FYB2: variants seen among roughly 807,000 people sequenced by gnomAD.
FYB2 encodes FYN-binding protein 2.
In FYB2, 103 loss-of-function variants were observed where a neutral mutation model predicts 94.1. The ratio of observed to expected loss-of-function variants is 1.09; its 90% confidence interval spans 0.93 to 1.29. The LOEUF is 1.29. Ranked by LOEUF, FYB2 falls within the 50% of genes most tolerant of loss-of-function variation. The pLI is 0.00. For synonymous variants in FYB2, 293 were observed against 287.9 expected, an observed-to-expected ratio of 1.02 and a Z score of -0.18; for missense variants, 896 against 841.5, an observed-to-expected ratio of 1.06 and a Z score of -0.80.
At chr1:56,819,614 T>C (rs368809941), upstream of FYB2, 456 of 504,722 alleles carry the variant, frequency 9.0e-4, 5 homozygotes, top group African/African-American at 7.9e-3. Context: ...CCGGCTGGTC[T>C]GACAGTCACT....
chr1:56,722,474 GTAAT>G (rs935869236), intron 17 of FYB2, among the ~76,000 whole-genome samples: 3 of 152,074 alleles, frequency 2.0e-5, no homozygotes, highest in Non-Finnish European at 2.9e-5. Flanking sequence ...CAGAAGAAGA[GTAAT>G]TTATTTAATT....
At chr1:56,819,751 C>T (rs750144033), upstream of FYB2, 30 of 182,974 alleles carry the variant, frequency 1.6e-4, no homozygotes, top group East Asian at 2.4e-3. Context: ...CTGCCAGCTC[C>T]GCCCCTGCAG....
intron 9 of FYB2, among the ~76,000 whole-genome samples, chr1:56,749,411 T>C (rs1197825841): frequency 6.6e-6 from 1 of 152,024 alleles, no homozygotes; most frequent in East Asian, 1.9e-4. Flanking sequence ...CCCTATAGAA[T>C]GAATTTTGGA....
chr1:56,766,014 A>T (rs1645613979), intron 5 of FYB2, among the ~76,000 whole-genome samples: 1 of 152,186 alleles, frequency 6.6e-6, no homozygotes, highest in South Asian at 2.1e-4. Context: ...TGATTGGAGC[A>T]TCCATTTGGC....
Position 56,767,872 on chromosome 1 carries a change from A to G in FYB2, c.1020T>C (p.Ser340=), listed in dbSNP as rs1645662069. The part of the protein sequence containing the change: ...YEATISYLRH[S]GNSINLCTAK... ...CAGTGCACAGGTTAATGGAGTTGCC[A>G]GAGTGTCTCAGATATGAAATTGTTG... The change falls in exon 5 of 20, where the codon TCT becomes TCC. Residue 340 remains serine, a synonymous_variant. Transcript: ENST00000343433. 2 of 1,612,444 alleles carry G rather than the reference A, an allele frequency of 1.2e-6. No individual in the cohort carries two copies. Among genetic ancestry groups the G allele is most frequent in the African/African-American group, 1.3e-5 (1 of 74,852 alleles).
chr1:56,763,826 G>T, intron 5 of FYB2, among the ~76,000 whole-genome samples: 1 of 149,886 alleles, frequency 6.7e-6, no homozygotes, highest in Non-Finnish European at 1.5e-5. Context: ...TATCCTTATT[G>T]TTTCCTTCCT....
intron 1 of FYB2, among the ~76,000 whole-genome samples, chr1:56,796,302 T>C (rs963937331): frequency 6.6e-6 from 1 of 152,182 alleles, no homozygotes; most frequent in South Asian, 2.1e-4. Flanking sequence ...TTTGAGGACA[T>C]GAGGAAAACT....
chr1:56,741,318 A>C (rs1453399224), intron 12 of FYB2, among the ~76,000 whole-genome samples: 1 of 152,128 alleles, frequency 6.6e-6, no homozygotes, highest in Non-Finnish European at 1.5e-5. Flanking sequence ...GATTTTATGA[A>C]GCAGTCTTCC....
chr1:56,801,700 G>A (rs1188769798), intron 1 of FYB2, among the ~76,000 whole-genome samples: 1 of 152,082 alleles, frequency 6.6e-6, no homozygotes, highest in African/African-American at 2.4e-5. Context: ...CAATGCATTA[G>A]CCTCATGGGC....
At chr1:56,754,419 C>T (rs1645277398) in intron 7 of FYB2, among the ~76,000 whole-genome samples, 1 of 152,040 alleles carries the variant, frequency 6.6e-6, no homozygotes, top group African/African-American at 2.4e-5. Context: ...TCTGAGAATG[C>T]TTCCCTGATT....
At chr1:56,765,504 C>T (rs1307372424) in intron 5 of FYB2, among the ~76,000 whole-genome samples, 2 of 152,154 alleles carry the variant, frequency 1.3e-5, no homozygotes, top group African/African-American at 4.8e-5. Flanking sequence ...GTCCAAGCTC[C>T]CCATTCAGCA....
chr1:56,808,529 A>C (rs552678122), intron 1 of FYB2, among the ~76,000 whole-genome samples: 3 of 152,312 alleles, frequency 2.0e-5, no homozygotes, highest in African/African-American at 7.2e-5. Context: ...TTACAGCAGC[A>C]ATTAGTTACA....
intron 1 of FYB2, among the ~76,000 whole-genome samples, chr1:56,811,469 C>T (rs916429808): frequency 1.3e-5 from 2 of 152,162 alleles, no homozygotes; most frequent in African/African-American, 2.4e-5. Context: ...CATGGCGACC[C>T]AGCTGTGAAA....
Position 56,742,239 on chromosome 1 carries a change from C to A in FYB2, c.1544-18G>T, listed in dbSNP as rs1160062097. 1 of 1,543,500 alleles carries A rather than the reference C, an allele frequency of 6.5e-7. No homozygotes were observed. The highest frequency in any genetic ancestry group is 8.9e-7 in the Non-Finnish European group (1 of 1,120,854). On this transcript the variant is annotated intron_variant, in intron 11 of 19. Transcript: ENST00000343433. ...ATTTTCTTCTGAAATTAGAAGAAAA[C>A]CCTACTTATATTCATTATAATAGCA... is the stretch of plus-strand genomic sequence containing the variant.
chr1:56,731,193 G>A (rs868026826), intron 15 of FYB2, among the ~76,000 whole-genome samples: 81 of 152,104 alleles, frequency 5.3e-4, no homozygotes, highest in African/African-American at 1.9e-3. Context: ...CTCACTTGGT[G>A]AGCACATCCC....
chr1:56,799,116 C>A (rs769619780), intron 1 of FYB2, among the ~76,000 whole-genome samples: 3 of 152,070 alleles, frequency 2.0e-5, no homozygotes, highest in Non-Finnish European at 4.4e-5. Context: ...ATAACCCCAC[C>A]AATTAGGCGA....
intron 15 of FYB2, among the ~76,000 whole-genome samples, chr1:56,735,416 T>C (rs1013460031): frequency 3.3e-5 from 5 of 152,078 alleles, no homozygotes; most frequent in African/African-American, 1.2e-4. Flanking sequence ...AAGGTTGCTG[T>C]CATAGAAATA....
intron 16 of FYB2, among the ~76,000 whole-genome samples, chr1:56,724,558 C>CA (rs535424184): frequency 1.8e-4 from 28 of 152,186 alleles, no homozygotes; most frequent in Non-Finnish European, 4.0e-4. Flanking sequence ...TCACCTTCCT[C>CA]AAATTCATTG....
chr1:56,803,161 T>C (rs1351474285), intron 1 of FYB2, among the ~76,000 whole-genome samples: 1 of 152,218 alleles, frequency 6.6e-6, no homozygotes, highest in Non-Finnish European at 1.5e-5. Context: ...TTACAAATTC[T>C]GTATACGTAA....
Sources: allele counts gnomAD v4.1 joint callset (sites outside exome capture counted in the v4.1 genomes callset), GRCh38; gene constraint gnomAD v4.1.1; transcripts MANE v1.5; gene names NCBI Gene and HGNC (gene_info 2026-07-23, HGNC 2026-07-21).